The following FBXW10B variants were observed in gnomAD, a reference collection of about 807,000 sequenced individuals.
FBXW10B encodes the protein F-box and WD repeat domain containing protein 10B.
the FBXW10B span, among the ~76,000 whole-genome samples, chr17:15,610,376 A>T: frequency 1.3e-5 from 2 of 152,158 alleles, no homozygotes; most frequent in African/African-American, 2.4e-5. Context: ...TGTTGTGCTT[A>T]TCTGGGAGGG....
chr17:15,568,277 G>A, the FBXW10B span, among the ~76,000 whole-genome samples: 3 of 152,046 alleles, frequency 2.0e-5, no homozygotes, highest in East Asian at 3.9e-4. Context: ...CATGGTGCTC[G>A]ACCCTGGAGG....
chr17:15,615,716 G>A, the FBXW10B span: 2 of 1,613,700 alleles, frequency 1.2e-6, no homozygotes, highest in Admixed American at 1.7e-5. Context: ...TGTGTGCTGA[G>A]TTTTGGCTGT....
At chr17:15,604,678 G>C in the FBXW10B span, among the ~76,000 whole-genome samples, 1 of 152,106 alleles carries the variant, frequency 6.6e-6, no homozygotes, top group African/African-American at 2.4e-5. Flanking sequence ...GGGACTACAG[G>C]TGCCCGCCAC....
At chr17:15,619,589 G>A in the FBXW10B span, 3 of 1,520,504 alleles carry the variant, frequency 2.0e-6, no homozygotes, top group Non-Finnish European at 2.6e-6. Context: ...GGAACGGGGG[G>A]AAATGAATAA....
At chr17:15,577,564 C>G in the FBXW10B span, among the ~76,000 whole-genome samples, 323 of 146,628 alleles carry the variant, frequency 2.2e-3, 5 homozygotes, top group Non-Finnish European at 3.4e-3. Context: ...GTCATAGTAA[C>G]TTAGTCTATC....
the FBXW10B span, among the ~76,000 whole-genome samples, chr17:15,578,899 C>A: frequency 0.2 from 30,317 of 151,904 alleles, 3,153 homozygotes; most frequent in Middle Eastern, 0.24. Flanking sequence ...TTTCTTTTTT[C>A]TTTTATAGGC....
chr17:15,614,139 G>A, the FBXW10B span: 2 of 1,341,722 alleles, frequency 1.5e-6, no homozygotes, highest in South Asian at 2.7e-5. Context: ...AACCTCCTCA[G>A]ACTCTAACCT....
chr17:15,602,281 T>C, the FBXW10B span, among the ~76,000 whole-genome samples: 3 of 152,082 alleles, frequency 2.0e-5, no homozygotes, highest in East Asian at 5.8e-4. Context: ...GACATTCTCA[T>C]GCACATATGG....
the FBXW10B span, among the ~76,000 whole-genome samples, chr17:15,613,174 G>A: frequency 1.4e-4 from 21 of 151,618 alleles, no homozygotes; most frequent in African/African-American, 5.1e-4. Flanking sequence ...AAGAAACTGA[G>A]AAGTAAAAAT....
At chr17:15,575,025 T>A in the FBXW10B span, among the ~76,000 whole-genome samples, 1 of 145,006 alleles carries the variant, frequency 6.9e-6, no homozygotes, top group Non-Finnish European at 1.5e-5. Context: ...AAGCTGCATA[T>A]CTGCTTGCAA....
the FBXW10B span, among the ~76,000 whole-genome samples, chr17:15,601,610 G>A: frequency 2.6e-5 from 4 of 152,036 alleles, no homozygotes; most frequent in Non-Finnish European, 1.5e-5. Flanking sequence ...AAATTATAAC[G>A]TGTACAGCAT....
the FBXW10B span, among the ~76,000 whole-genome samples, chr17:15,576,047 T>G: frequency 6.6e-6 from 1 of 152,310 alleles, no homozygotes; most frequent in South Asian, 2.1e-4. Flanking sequence ...TGTTTCCTAG[T>G]TCGGTTAAAA....
chr17:15,612,573 T>C, the FBXW10B span: 1 of 1,347,256 alleles, frequency 7.4e-7, no homozygotes, highest in Non-Finnish European at 1.0e-6. Context: ...AACTCTCGTC[T>C]TCCTTAAGGA....
At chr17:15,604,829 G>A in the FBXW10B span, among the ~76,000 whole-genome samples, 5 of 152,222 alleles carry the variant, frequency 3.3e-5, no homozygotes, top group African/African-American at 1.2e-4. Context: ...GAGCCACCAC[G>A]CCTGGCCACA....
chr17:15,590,451 G>T, the FBXW10B span, among the ~76,000 whole-genome samples: 1 of 147,106 alleles, frequency 6.8e-6, no homozygotes, highest in Non-Finnish European at 1.5e-5. Context: ...GGGTCCTTTG[G>T]TGAGGTTTGC....
chr17:15,585,328 A>G, the FBXW10B span, among the ~76,000 whole-genome samples: 2 of 152,208 alleles, frequency 1.3e-5, no homozygotes, highest in Admixed American at 6.5e-5. Context: ...AAATAGAATT[A>G]AAAGATAAAA....
At chr17:15,609,124 C>T in the FBXW10B span, among the ~76,000 whole-genome samples, 1 of 146,886 alleles carries the variant, frequency 6.8e-6, no homozygotes, top group Non-Finnish European at 1.5e-5. Context: ...CCAGAAATAA[C>T]AGTCCCATTA....
chr17:15,614,441 G>A, the FBXW10B span, among the ~76,000 whole-genome samples: 61 of 151,938 alleles, frequency 4.0e-4, 1 homozygote, highest in Admixed American at 3.5e-3. Context: ...TGATCCGCCC[G>A]CCTCAGCCTG....
chr17:15,607,121 T>A, the FBXW10B span, among the ~76,000 whole-genome samples: 1 of 150,810 alleles, frequency 6.6e-6, no homozygotes, highest in African/African-American at 2.4e-5. Flanking sequence ...TACTAAAATA[T>A]GTGCTAAGTA....
Sources: gnomAD v4.1 joint callset for allele counts (sites outside exome capture counted in the v4.1 genomes callset) on GRCh38, gnomAD v4.1.1 for gene constraint, MANE v1.5 for transcripts, NCBI Gene and HGNC (gene_info 2026-07-23, HGNC 2026-07-21) for gene names.